TMEM163: variants seen among roughly 807,000 people sequenced by gnomAD.
The protein encoded by TMEM163 is transmembrane protein 163.
In TMEM163, 17 loss-of-function variants were observed where a neutral mutation model predicts 29.3. The ratio of observed to expected loss-of-function variants is 0.58; its 90% confidence interval spans 0.40 to 0.87. TMEM163 has a LOEUF of 0.87. TMEM163 is among the 40% of genes least tolerant of loss of function. The pLI is 0.00. For synonymous variants in TMEM163, 157 were observed against 160.6 expected (o/e 0.98, Z 0.17); for missense variants, 303 against 381.5 (o/e 0.79, Z 1.71).
intron 3 of TMEM163, 44 bp from the exon 4 acceptor site, chr2:134,550,705 A>G (rs1189539714): frequency 6.4e-6 from 10 of 1,569,316 alleles, no homozygotes; most frequent in African/African-American, 1.3e-5. Flanking sequence ...CACAGTTAAT[A>G]GCACACAAAT....
At chr2:134,691,759 C>T (rs959891591) in intron 2 of TMEM163, among the ~76,000 whole-genome samples, 2 of 152,060 alleles carry the variant, frequency 1.3e-5, no homozygotes, top group South Asian at 2.1e-4. Context: ...ATCCTAAACA[C>T]CAACTCCAAT....
rs529841289 is a variant in TMEM163, at chr2:134,572,814, A to G, written c.323-20723T>C. Among the ~76,000 whole-genome samples, 14 of 152,366 alleles carry G rather than the reference A, an allele frequency of 9.2e-5. No individual in the cohort carries two copies. The East Asian group carries it at 2.7e-3, about 29-fold the overall frequency. On this transcript the variant is annotated intron_variant, in intron 2 of 7. Coordinates refer to ENST00000281924, the MANE Select transcript of TMEM163 (RefSeq NM_030923.5). ...TCATGACCTCTGCAAGGAGGCCTGT[A>G]CAGCCCTGCAAAGAGGCAATATTCC... is the stretch of plus-strand genomic sequence containing the variant.
In TMEM163 at chr2:134,650,207, A is replaced by C. The variant is rs1001485401; in HGVS notation, c.322+62993T>G. ...TGTGTATAAAAACATCTGGAAGTAC[A>C]TATTTCAACTCATTAACACATAAAA... On this transcript the variant is annotated intron_variant, in intron 2 of 7. Coordinates refer to ENST00000281924, the MANE Select transcript of TMEM163 (RefSeq NM_030923.5). Among the ~76,000 whole-genome samples, 83 of 152,148 alleles carry C rather than the reference A, an allele frequency of 5.5e-4. 1 individual carries two copies. The highest frequency in any genetic ancestry group is 2.9e-3 in the Admixed American group (45 of 15,284).
At chr2:134,481,359 TGGGA>T (rs1679171833) in intron 5 of TMEM163, among the ~76,000 whole-genome samples, 1 of 132,980 alleles carries the variant, frequency 7.5e-6, no homozygotes, top group Non-Finnish European at 1.6e-5. Context: ...ACAGACCTAG[TGGGA>T]GGTAATTGAA....
intron 2 of TMEM163, among the ~76,000 whole-genome samples, chr2:134,650,078 T>C (rs1683434028): frequency 6.7e-6 from 1 of 149,984 alleles, no homozygotes; most frequent in African/African-American, 2.5e-5. Context: ...TGATATACAA[T>C]TGAGTGAAAA....
At chr2:134,663,837 AC>A (rs1251951778) in intron 2 of TMEM163, among the ~76,000 whole-genome samples, 2 of 152,162 alleles carry the variant, frequency 1.3e-5, no homozygotes, top group Non-Finnish European at 2.9e-5. Flanking sequence ...TTTTTACCAC[AC>A]CTGTTTCCTC....
At chr2:134,554,666 G>A (rs1270341883) in intron 2 of TMEM163, among the ~76,000 whole-genome samples, 4 of 152,158 alleles carry the variant, frequency 2.6e-5, no homozygotes, top group African/African-American at 9.7e-5. Context: ...CCTTGTCTCA[G>A]GAATCTGGAC....
At position 134,456,617 on chromosome 2, in the gene TMEM163, A is replaced by G. The variant is rs1170974923; in HGVS notation, c.*99T>C. ...TGTAATGACAAACCATGTGAAAGAA[A>G]ACTTCCAAAAAGAAACCAGATGTTC... On this transcript the variant is annotated 3_prime_UTR_variant, in exon 8 of 8. Coordinates refer to ENST00000281924, the MANE Select transcript of TMEM163 (RefSeq NM_030923.5). 1.4e-6 allele frequency: 2 copies of G among 1,424,386 alleles called. No homozygotes were observed. Among genetic ancestry groups the G allele is most frequent in the Admixed American group, 1.9e-5 (1 of 52,994 alleles). The allele number at this position is 1,424,386 out of a possible 1,614,324, so 88.2% of individuals were successfully genotyped here.
In TMEM163 at chr2:134,534,477, T is replaced by C. The variant is rs896976548; in HGVS notation, c.458+16093A>G. On this transcript the variant is annotated intron_variant, in intron 4 of 7. Transcript: ENST00000281924. Reference sequence around the variant, plus strand: ...GATTTATAAATCAACCTTGGCCAGGTGCAGTGGCTCACGCCTGTAATCCTA... The same window carrying C: ...GATTTATAAATCAACCTTGGCCAGGCGCAGTGGCTCACGCCTGTAATCCTA... 1.3e-4 allele frequency among the ~76,000 whole-genome samples: 20 copies of C among 152,110 alleles called. 1 individual carries two copies. Among genetic ancestry groups the C allele is most frequent in the Admixed American group, 9.2e-4 (14 of 15,260 alleles).
chr2:134,506,497 G>A (rs577670690), intron 4 of TMEM163, among the ~76,000 whole-genome samples: 1 of 152,288 alleles, frequency 6.6e-6, no homozygotes, highest in Admixed American at 6.5e-5. Flanking sequence ...TGAGGGGTGG[G>A]GAGAGAGGTG....
At chr2:134,586,380 T>C (rs1482108820) in intron 2 of TMEM163, among the ~76,000 whole-genome samples, 1 of 152,228 alleles carries the variant, frequency 6.6e-6, no homozygotes, top group Non-Finnish European at 1.5e-5. Context: ...CTCTAGCTGC[T>C]GGTGGTTTGC....
At chr2:134,637,297 G>A (rs554113771) in intron 2 of TMEM163, among the ~76,000 whole-genome samples, 1 of 152,322 alleles carries the variant, frequency 6.6e-6, no homozygotes, top group South Asian at 2.1e-4. Flanking sequence ...GTGCATGTGA[G>A]ATGAACTGCC....
chr2:134,663,328 G>A (rs964376732), intron 2 of TMEM163, among the ~76,000 whole-genome samples: 2 of 152,188 alleles, frequency 1.3e-5, no homozygotes, highest in African/African-American at 4.8e-5. Context: ...TGGACCCCAA[G>A]GCCTTTGATC....
intron 5 of TMEM163, among the ~76,000 whole-genome samples, chr2:134,487,317 T>C (rs1679338384): frequency 6.6e-6 from 1 of 152,162 alleles, no homozygotes. Flanking sequence ...GCAGTAATAA[T>C]TGAGAAAATT....
rs551391323 is a variant in TMEM163, at chr2:134,500,130, A to C, written c.555+2771T>G. Among the ~76,000 whole-genome samples, 23 of 152,270 alleles carry C rather than the reference A, an allele frequency of 1.5e-4. No individual in the cohort carries two copies. In the East Asian group the frequency reaches 4.2e-3, roughly 28 times the overall value. ...CAGAGGAGGCCAGGCCCTTCATCCAAGTGCGCACACCCCAGTTGCCACAGA... is the reference window on the plus strand; with the variant it reads ...CAGAGGAGGCCAGGCCCTTCATCCACGTGCGCACACCCCAGTTGCCACAGA... On this transcript the variant is annotated intron_variant, in intron 5 of 7. Coordinates refer to ENST00000281924, the MANE Select transcript of TMEM163 (RefSeq NM_030923.5).
chr2:134,481,887 G>A (rs1679193557), intron 5 of TMEM163, among the ~76,000 whole-genome samples: 1 of 152,140 alleles, frequency 6.6e-6, no homozygotes, highest in South Asian at 2.1e-4. Context: ...CACAGAGCAA[G>A]ACCTCGGGGG....
intron 5 of TMEM163, among the ~76,000 whole-genome samples, chr2:134,488,894 C>A (rs576103452): frequency 6.6e-6 from 1 of 152,094 alleles, no homozygotes; most frequent in Admixed American, 6.5e-5. Context: ...CACCAATAAC[C>A]AGGGGAGAGC....
chr2:134,492,697 C>T (rs539771705), intron 5 of TMEM163, among the ~76,000 whole-genome samples: 9 of 152,182 alleles, frequency 5.9e-5, no homozygotes, highest in African/African-American at 1.4e-4. Flanking sequence ...TGTCTACCAC[C>T]GAGCAGTCTT....
intron 2 of TMEM163, among the ~76,000 whole-genome samples, chr2:134,581,476 A>G (rs1292769721): frequency 6.6e-6 from 1 of 152,220 alleles, no homozygotes; most frequent in African/African-American, 2.4e-5. Flanking sequence ...GTCAACATTT[A>G]TGTTCATTCC....
Sources: allele counts gnomAD v4.1 joint callset (sites outside exome capture counted in the v4.1 genomes callset), GRCh38; gene constraint gnomAD v4.1.1; transcripts MANE v1.5; gene names NCBI Gene and HGNC (gene_info 2026-07-23, HGNC 2026-07-21).